The following PRKCB variants were observed in gnomAD, a reference collection of about 807,000 sequenced individuals.
PRKCB encodes the protein protein kinase C beta, also known as protein kinase C beta type.
Under a neutral mutation model 81.5 loss-of-function variants are expected in PRKCB, and 13 were observed. The observed-to-expected ratio is 0.16, with a 90% CI of 0.10 to 0.25. The LOEUF is 0.25. Among genes scored for constraint, PRKCB ranks in the 10% least tolerant of loss-of-function variants. PRKCB has a pLI of 1.00. For missense variants in PRKCB, 509 were observed against 875.7 expected (o/e 0.58, Z 5.29); for synonymous variants, 335 against 321.4 (o/e 1.04, Z -0.45).
intron 16 of PRKCB, among the ~76,000 whole-genome samples, chr16:24,205,043 C>T (rs550523839): frequency 6.6e-6 from 1 of 151,818 alleles, no homozygotes; most frequent in Admixed American, 6.6e-5. Flanking sequence ...TCGCTTGAAC[C>T]CGGGAGGTGG....
chr16:23,979,841 C>T (rs62029620), intron 2 of PRKCB, among the ~76,000 whole-genome samples: 30,775 of 152,016 alleles, frequency 0.2, 4,094 homozygotes, highest in African/African-American at 0.37. Context: ...GTTAATATAA[C>T]GAGGACCGAA....
intron 3 of PRKCB, among the ~76,000 whole-genome samples, chr16:24,020,976 T>TTTCCTTTCTTTCTTTC: frequency 1.0e-5 from 1 of 96,740 alleles, no homozygotes; most frequent in Middle Eastern, 5.7e-3. Context: ...AGACTTTTCT[T>TTTCCTTTCTTTCTTTC]TTTCTTTCTT....
chr16:24,092,731 C>T, intron 5 of PRKCB, 60 bp from the exon 6 acceptor site: 4 of 1,506,152 alleles, frequency 2.7e-6, no homozygotes, highest in Non-Finnish European at 3.6e-6. Context: ...GCAGCTGTCA[C>T]TGCTTGGTGC....
At chr16:24,084,039 G>T (rs1341766550) in intron 5 of PRKCB, among the ~76,000 whole-genome samples, 4 of 152,160 alleles carry the variant, frequency 2.6e-5, no homozygotes, top group African/African-American at 9.7e-5. Context: ...CTAAATCAAA[G>T]TGTGTAGAAG....
chr16:24,144,392 G>A (rs1380462157), intron 9 of PRKCB, among the ~76,000 whole-genome samples: 4 of 152,064 alleles, frequency 2.6e-5, no homozygotes, highest in Admixed American at 1.3e-4. Context: ...TCCACCTCTC[G>A]GGTTCAAGTG....
chr16:24,179,732 T>A (rs1448348236), intron 12 of PRKCB, among the ~76,000 whole-genome samples: 2 of 152,252 alleles, frequency 1.3e-5, no homozygotes, highest in Non-Finnish European at 2.9e-5. Flanking sequence ...ACTGACACCC[T>A]GCTTAAAGTG....
chr16:24,114,461 A>C (rs1187289310), intron 8 of PRKCB, among the ~76,000 whole-genome samples: 2 of 151,900 alleles, frequency 1.3e-5, no homozygotes, highest in African/African-American at 4.8e-5. Flanking sequence ...AGTTTTATCA[A>C]ATGGAAAGCC....
chr16:24,034,157 GCCCTAATATAGGGACAATGT>G (rs916627786), intron 4 of PRKCB, among the ~76,000 whole-genome samples: 1 of 152,204 alleles, frequency 6.6e-6, no homozygotes, highest in Non-Finnish European at 1.5e-5. Context: ...CACACATGGG[GCCCTAATATAGGGACAATGT>G]CCCTGCCTCA....
chr16:24,186,881 C>T (rs1015803506), intron 15 of PRKCB, among the ~76,000 whole-genome samples: 2 of 152,242 alleles, frequency 1.3e-5, no homozygotes, highest in East Asian at 1.9e-4. Flanking sequence ...GAATTAGTCT[C>T]AATCCCGAAC....
Position 24,090,673 on chromosome 16 carries a change from C to T in PRKCB, c.530-2118C>T, listed in dbSNP as rs146378774. Among the ~76,000 whole-genome samples, 247 of 152,008 alleles carry T rather than the reference C, an allele frequency of 1.6e-3. 1 individual carries two copies. The highest frequency in any genetic ancestry group is 4.9e-3 in the African/African-American group (201 of 41,416). On this transcript the variant is annotated intron_variant, in intron 5 of 16. Transcript: ENST00000643927. The stretch of plus-strand genomic sequence containing the variant: ...GACTGATTGGTGGAGAATGGACTGA[C>T]GAATAGGGGAAGATTTATTGCAGTA...
At chr16:23,920,891 T>C (rs1182252802) in intron 2 of PRKCB, among the ~76,000 whole-genome samples, 1 of 152,138 alleles carries the variant, frequency 6.6e-6, no homozygotes, top group Non-Finnish European at 1.5e-5. Flanking sequence ...ACCAGGTAAT[T>C]TATAAAGGAA....
intron 2 of PRKCB, among the ~76,000 whole-genome samples, chr16:23,977,593 C>T (rs1466671750): frequency 6.6e-6 from 1 of 152,194 alleles, no homozygotes; most frequent in Non-Finnish European, 1.5e-5. Flanking sequence ...GATAGCCTCA[C>T]ACATGTGGTC....
At chr16:23,964,765 G>A (rs1311126918) in intron 2 of PRKCB, among the ~76,000 whole-genome samples, 1 of 151,742 alleles carries the variant, frequency 6.6e-6, no homozygotes, top group Non-Finnish European at 1.5e-5. Context: ...GCCTCCTGGG[G>A]TTCAAGTGAT....
In PRKCB at chr16:23,941,765, A is replaced by G. The variant is rs552928466; in HGVS notation, c.206-46743A>G. On this transcript the variant is annotated intron_variant, in intron 2 of 16. Coordinates refer to ENST00000643927, the MANE Select transcript of PRKCB (RefSeq NM_002738.7). Reference sequence around the variant, plus strand: ...ACTTTTTCAGCATGATGAAGACTATATGTGGCCAACCAGTAGCCAAAAATA... The same window carrying G: ...ACTTTTTCAGCATGATGAAGACTATGTGTGGCCAACCAGTAGCCAAAAATA... Among the ~76,000 whole-genome samples, 20 of 152,352 alleles carry G rather than the reference A, an allele frequency of 1.3e-4. No individual in the cohort carries two copies. The South Asian group carries it at 4.1e-3, about 32-fold the overall frequency.
chr16:24,215,263 C>G lies in PRKCB; in HGVS notation c.*447C>G, dbSNP rs1055988523. 64 of 990,398 alleles carry G rather than the reference C, an allele frequency of 6.5e-5. No homozygotes were observed. Among genetic ancestry groups the G allele is most frequent in the Non-Finnish European group, 7.7e-5 (64 of 832,682 alleles). 61.4% of individuals were successfully genotyped at this position (990,398 alleles called of 1,614,324 possible). ...TGGTTGCTTTGCCTAAGAGGAATCCCTCTATTTCACCTGTTCTGGAGGCAC... is the reference window on the plus strand; with the variant it reads ...TGGTTGCTTTGCCTAAGAGGAATCCGTCTATTTCACCTGTTCTGGAGGCAC... On this transcript the variant is annotated 3_prime_UTR_variant, in exon 17 of 17. Coordinates refer to ENST00000643927, the MANE Select transcript of PRKCB (RefSeq NM_002738.7).
intron 9 of PRKCB, among the ~76,000 whole-genome samples, chr16:24,146,955 G>A (rs1966999002): frequency 6.6e-6 from 1 of 152,072 alleles, no homozygotes; most frequent in South Asian, 2.1e-4. Flanking sequence ...TTTTGAACGT[G>A]GGCATCACCA....
chr16:24,067,790 A>C (rs1966055366), intron 5 of PRKCB, among the ~76,000 whole-genome samples: 1 of 152,056 alleles, frequency 6.6e-6, no homozygotes, highest in Non-Finnish European at 1.5e-5. Flanking sequence ...AACATAGTGA[A>C]GCCCCATCTC....
intron 10 of PRKCB, among the ~76,000 whole-genome samples, chr16:24,169,623 G>A (rs1967408634): frequency 6.6e-6 from 1 of 152,080 alleles, no homozygotes; most frequent in East Asian, 1.9e-4. Context: ...TTTGCTGAAG[G>A]ATCGCCTTCT....
intron 16 of PRKCB, among the ~76,000 whole-genome samples, chr16:24,199,945 A>G (rs1032902536): frequency 1.3e-5 from 2 of 152,270 alleles, no homozygotes; most frequent in Admixed American, 1.3e-4. Context: ...TCATGATAAC[A>G]CCATCGAATG....
Sources: gnomAD v4.1 joint callset for allele counts (sites outside exome capture counted in the v4.1 genomes callset) on GRCh38, gnomAD v4.1.1 for gene constraint, MANE v1.5 for transcripts, NCBI Gene and HGNC (gene_info 2026-07-23, HGNC 2026-07-21) for gene names.